Variants in CBX7 observed in about 807,000 individuals in gnomAD.
The protein encoded by CBX7 is chromobox protein homolog 7.
CBX7 carries 14 observed loss-of-function variants against 31.4 expected under a neutral mutation model. The ratio of observed to expected loss-of-function variants is 0.45; its 90% CI spans 0.29 to 0.70. The LOEUF (loss-of-function observed/expected upper bound fraction) is 0.70, where lower values mean the gene tolerates loss of function less well. Ranked by LOEUF, CBX7 falls within the 30% of genes least tolerant of loss-of-function variation. CBX7 has a pLI of 0.11. For missense variants in CBX7, 269 were observed against 351.9 expected, an observed-to-expected ratio of 0.76 and a Z score of 1.89; for synonymous variants, 159 against 152.6, an observed-to-expected ratio of 1.04 and a Z score of -0.31.
At chr22:39,151,395 T>G (rs1014929286) in intron 1 of CBX7, among the ~76,000 whole-genome samples, 4 of 152,146 alleles carry the variant, frequency 2.6e-5, no homozygotes, top group African/African-American at 7.2e-5. Flanking sequence ...GGGCTGCCAA[T>G]CAGCCCAGTT....
intron 2 of CBX7, among the ~76,000 whole-genome samples, chr22:39,141,838 C>T (rs1930469022): frequency 6.6e-6 from 1 of 152,124 alleles, no homozygotes; most frequent in Non-Finnish European, 1.5e-5. Context: ...TGCAAGTGTG[C>T]CTTCACCCTG....
chr22:39,146,343 T>C (rs569634376), intron 2 of CBX7, among the ~76,000 whole-genome samples: 2 of 152,346 alleles, frequency 1.3e-5, no homozygotes, highest in African/African-American at 4.8e-5. Flanking sequence ...TGGAGACAGC[T>C]CCCACTCTGC....
Position 39,132,860 on chromosome 22 carries a change from C to G in CBX7, c.*1031G>C, listed in dbSNP as rs73884820. The G allele has an allele frequency of 3.9e-5, 6 of 152,562 alleles. No homozygotes were observed. Among genetic ancestry groups the G allele is most frequent in the African/African-American group, 1.4e-4 (6 of 41,408 alleles). The allele number at this position is 152,562 out of a possible 1,614,324, so 9.5% of individuals were successfully genotyped here. On this transcript the variant is annotated 3_prime_UTR_variant, in exon 6 of 6. Coordinates refer to ENST00000216133, the MANE Select transcript of CBX7 (RefSeq NM_175709.5). ...AGTCAGAAAGAACAAGAACCCCTCA[C>G]GGGAGGAAGGACAGGGTCCAGACGT...
rs1930136970 is a variant in CBX7 at position 39,133,876 on chromosome 22, A to T, written c.*15T>A. The T allele has an allele frequency of 1.3e-6, 2 of 1,593,326 alleles. No individual in the cohort carries two copies. The highest frequency in any genetic ancestry group is 3.4e-5 in the Admixed American group (2 of 58,192). On this transcript the variant is annotated 3_prime_UTR_variant, in exon 6 of 6. Transcript: ENST00000216133. ...GCCCAAAAGAAAACAGTTTAAGAAG[A>T]GTAAAAACGGTGATTCAGAACTTCC...
intron 5 of CBX7, 30 bp downstream of exon 5, chr22:39,134,371 C>CT: frequency 6.4e-6 from 10 of 1,557,628 alleles, no homozygotes; most frequent in Non-Finnish European, 8.7e-6. Flanking sequence ...CTTTCCAGCT[C>CT]TGAGGGTCTC....
At chr22:39,137,817 C>T (rs1930306387) in intron 4 of CBX7, among the ~76,000 whole-genome samples, 2 of 152,140 alleles carry the variant, frequency 1.3e-5, no homozygotes, top group Admixed American at 6.5e-5. Flanking sequence ...AAGGCTGGAA[C>T]AGGAGGCCCA....
chr22:39,146,568 T>C (rs1930668199), intron 2 of CBX7, among the ~76,000 whole-genome samples: 1 of 152,210 alleles, frequency 6.6e-6, no homozygotes, highest in Non-Finnish European at 1.5e-5. Flanking sequence ...GTCCTAGTCA[T>C]CTCTAGTGGA....
At chr22:39,134,244 C>T (rs1006394645) in intron 5 of CBX7, 157 bp downstream of exon 5, 44 of 852,240 alleles carry the variant, frequency 5.2e-5, no homozygotes, top group South Asian at 1.4e-4. Flanking sequence ...CAGAGCGGGA[C>T]GACAGGAGGA....
chr22:39,138,770 C>T (rs888951496), intron 3 of CBX7, 68 bp from the exon 4 acceptor site: 27 of 1,415,348 alleles, frequency 1.9e-5, no homozygotes, highest in African/African-American at 5.6e-5. Context: ...GGAAGGCATC[C>T]GCTTCGCCCG....
chr22:39,150,716 G>A (rs1347481199), intron 1 of CBX7, among the ~76,000 whole-genome samples: 1 of 152,128 alleles, frequency 6.6e-6, no homozygotes, highest in African/African-American at 2.4e-5. Flanking sequence ...GCTGCAGTGA[G>A]CCATGTTCAT....
At chr22:39,150,271 C>T (rs750690360) in intron 1 of CBX7, among the ~76,000 whole-genome samples, 8 of 152,186 alleles carry the variant, frequency 5.3e-5, no homozygotes, top group African/African-American at 9.7e-5. Context: ...GTAGTCCCCA[C>T]GCTCCTCCCC....
rs774494316 is a variant in CBX7, at chr22:39,134,019, G to C, written c.628C>G (p.Pro210Ala). Residue 210 changes from proline (P) to alanine (A), a missense_variant, in exon 6 of 6, where the codon CCC becomes GCC. Physicochemically the swap from Pro to Ala is conservative, Grantham distance 27. Around this residue, in one of 2 missense-constraint regions of CBX7, gnomAD observed 222 missense variants for 240.4 expected, o/e 0.92. Transcript: ENST00000216133. Reference sequence around the variant, plus strand: ...CTTGAGGGGAGCGCAGGTGTCCAGGGAGGGGGCCCCTCGGCCAGGTCGGCA... The same window carrying C: ...CTTGAGGGGAGCGCAGGTGTCCAGGCAGGGGGCCCCTCGGCCAGGTCGGCA... ...ADADLAEGPP[P>A]WTPALPSSEV... 2.5e-6 allele frequency: 4 copies of C among 1,608,742 alleles called. No homozygotes were observed. The highest frequency in any genetic ancestry group is 3.4e-6 in the Non-Finnish European group (4 of 1,176,564).
chr22:39,150,062 C>T (rs8142647), intron 1 of CBX7, among the ~76,000 whole-genome samples: 2,025 of 152,274 alleles, frequency 0.013, 51 homozygotes, highest in African/African-American at 0.046. Flanking sequence ...CACAGGAGTG[C>T]GTCTGGCTCC....
chr22:39,145,718 AGGGGGC>A (rs1379642763), intron 2 of CBX7, among the ~76,000 whole-genome samples: 15 of 136,188 alleles, frequency 1.1e-4, no homozygotes, highest in South Asian at 2.7e-4. Context: ...CGGCAAACCG[AGGGGGC>A]GGGGGCGGGG....
At position 39,152,454 on chromosome 22, in the gene CBX7, CG is replaced by C; in HGVS notation, c.-11del. On this transcript the variant is annotated 5_prime_UTR_variant, in exon 1 of 6. Transcript: ENST00000216133. The surrounding 1 kb of genome is among the most constrained non-coding windows in gnomAD (Gnocchi z 4.9). ...TGGCTGACAGCTCCATGCGGGGCGGCGGGCGAGCGGGCCCGGGGCCGGGCCG... is the reference window on the plus strand; with the variant it reads ...TGGCTGACAGCTCCATGCGGGGCGGCGGCGAGCGGGCCCGGGGCCGGGCCG... The C allele has an allele frequency of 8.5e-7, 1 of 1,170,860 alleles. No homozygotes were observed. Among genetic ancestry groups the C allele is most frequent in the Non-Finnish European group, 1.1e-6 (1 of 943,008 alleles). 72.5% of individuals were successfully genotyped at this position (1,170,860 alleles called of 1,614,324 possible). A position where few individuals can be genotyped will look rare whatever the true frequency, so the allele number is the denominator to read the frequency against.
Position 39,141,435 on chromosome 22 carries a change from A to AC in CBX7, c.114dup (p.Tyr39ValfsTer32). The AC allele has an allele frequency of 6.2e-7, 1 of 1,611,100 alleles. No homozygotes were observed. The highest frequency in any genetic ancestry group is 8.5e-7 in the Non-Finnish European group (1 of 1,179,000). On this transcript the variant is annotated frameshift_variant and splice_region_variant, in exon 3 of 6. Transcript: ENST00000216133. LOFTEE classifies it high-confidence loss of function. ...TGCTCTTCTGGCTCCCACGTGCTGT[A>AC]CCTGGGGAGAGGAATGAAAGGTCAG... is the stretch of plus-strand genomic sequence containing the variant.
chr22:39,142,022 G>A (rs1331323195), intron 2 of CBX7, among the ~76,000 whole-genome samples: 1 of 152,132 alleles, frequency 6.6e-6, no homozygotes, highest in Non-Finnish European at 1.5e-5. Context: ...GAGGAGAGAG[G>A]GCGCCTGTAA....
intron 2 of CBX7, 113 bp downstream of exon 2, chr22:39,149,676 G>T: frequency 1.2e-6 from 1 of 868,186 alleles, no homozygotes; most frequent in Non-Finnish European, 2.0e-6. Context: ...CAGCTGTCCA[G>T]TTACAAGAGT....
At chr22:39,149,623 G>C in intron 2 of CBX7, 166 bp downstream of exon 2, 1 of 662,470 alleles carries the variant, frequency 1.5e-6, no homozygotes, top group Non-Finnish European at 2.7e-6. Context: ...CTGTGGTCCA[G>C]GGGGAAACTG....
Sources: allele counts gnomAD v4.1 joint callset (sites outside exome capture counted in the v4.1 genomes callset), GRCh38; gene constraint gnomAD v4.1.1; regional missense constraint gnomAD v4.1.1; non-coding constraint Gnocchi (gnomAD v3.1); transcripts MANE v1.5; gene names NCBI Gene and HGNC (gene_info 2026-07-23, HGNC 2026-07-21).